The following RAD51B variants were observed in gnomAD, a reference collection of about 807,000 sequenced individuals.
The protein encoded by RAD51B is RAD51 paralog B.
A neutral mutation model predicts 42.2 loss-of-function variants in RAD51B; 38 were observed. That is an observed-to-expected ratio of 0.90 (90% CI 0.70 to 1.18). The LOEUF (loss-of-function observed/expected upper bound fraction) is 1.18, where lower values mean the gene tolerates loss of function less well. RAD51B is among the 50% of genes most tolerant of loss of function. RAD51B has a pLI of 0.00. For synonymous variants in RAD51B, 154 were observed against 145.2 expected (o/e 1.06, Z -0.43); for missense variants, 373 against 400.7 (o/e 0.93, Z 0.59).
At chr14:68,294,852 C>T (rs753441955) in intron 8 of RAD51B, among the ~76,000 whole-genome samples, 35 of 152,306 alleles carry the variant, frequency 2.3e-4, no homozygotes, top group Non-Finnish European at 4.0e-4. Context: ...TTCTCTTTGT[C>T]ACTCTGGGGA....
intron 7 of RAD51B, among the ~76,000 whole-genome samples, chr14:68,094,358 C>T (rs937090532): frequency 6.6e-6 from 1 of 152,184 alleles, no homozygotes; most frequent in African/African-American, 2.4e-5. Flanking sequence ...GTAGCACATT[C>T]ACACTCTCAA....
At chr14:67,949,283 C>G (rs1246091070) in intron 7 of RAD51B, among the ~76,000 whole-genome samples, 1 of 152,202 alleles carries the variant, frequency 6.6e-6, no homozygotes, top group Admixed American at 6.5e-5. Context: ...CTCTGAAACC[C>G]TGCCACTGCT....
chr14:68,304,683 C>T (rs1476548835), intron 8 of RAD51B, among the ~76,000 whole-genome samples: 1 of 152,220 alleles, frequency 6.6e-6, no homozygotes, highest in East Asian at 1.9e-4. Flanking sequence ...AGCTTTGCCA[C>T]AAACCATCTG....
chr14:68,594,516 A>G (rs749621239), exon 11 of RAD51B: 264 of 1,362,070 alleles, frequency 1.9e-4, no homozygotes, highest in Non-Finnish European at 2.5e-4. Context: ...CCCAAGCTGA[A>G]CTGAACTGGG....
chr14:68,192,236 C>A (rs897644004), intron 7 of RAD51B, among the ~76,000 whole-genome samples: 1 of 152,130 alleles, frequency 6.6e-6, no homozygotes, highest in Non-Finnish European at 1.5e-5. Flanking sequence ...TCATAAGTTG[C>A]AGCTGTTGTG....
At chr14:68,655,818 G>A (rs1317549539) in intron 11 of RAD51B, among the ~76,000 whole-genome samples, 5 of 152,346 alleles carry the variant, frequency 3.3e-5, no homozygotes, top group East Asian at 3.9e-4. Context: ...CTTACAGATC[G>A]GCGGGGTCTT....
chr14:68,647,467 T>G (rs932554784), intron 10 of RAD51B, among the ~76,000 whole-genome samples: 2 of 152,220 alleles, frequency 1.3e-5, no homozygotes, highest in African/African-American at 4.8e-5. Flanking sequence ...AGGTTTTTTT[T>G]AAGTCAGGAA....
chr14:67,963,385 G>A (rs1308254877), intron 7 of RAD51B, among the ~76,000 whole-genome samples: 1 of 151,950 alleles, frequency 6.6e-6, no homozygotes, highest in Non-Finnish European at 1.5e-5. Flanking sequence ...GTGAGATTTT[G>A]GATGATTTAA....
intron 8 of RAD51B, among the ~76,000 whole-genome samples, chr14:68,380,291 A>G (rs2083454917): frequency 6.6e-6 from 1 of 152,238 alleles, no homozygotes; most frequent in South Asian, 2.1e-4. Context: ...TAAGAATGTT[A>G]GATGGGACCA....
intron 10 of RAD51B, chr14:68,610,908 C>T (rs374239509): frequency 2.4e-5 from 15 of 631,658 alleles, no homozygotes; most frequent in African/African-American, 2.4e-4. Flanking sequence ...TTGTGTAACC[C>T]TGCAGGCCAT....
At chr14:68,538,721 T>C (rs1887787000) in intron 10 of RAD51B, among the ~76,000 whole-genome samples, 1 of 152,144 alleles carries the variant, frequency 6.6e-6, no homozygotes. Context: ...CTGATTTCTC[T>C]TTTTTAAAAT....
chr14:68,081,864 A>G (rs1486666819), intron 7 of RAD51B, among the ~76,000 whole-genome samples: 1 of 152,336 alleles, frequency 6.6e-6, no homozygotes, highest in Admixed American at 6.5e-5. Context: ...TTTGACCTAC[A>G]TATTGACAGA....
intron 8 of RAD51B, among the ~76,000 whole-genome samples, chr14:68,354,937 G>C (rs749346128): frequency 1.3e-5 from 2 of 152,046 alleles, no homozygotes; most frequent in African/African-American, 4.8e-5. Flanking sequence ...ATTGTGACTC[G>C]ATTTCCCTTT....
At chr14:68,274,369 T>A (rs957289615) in intron 7 of RAD51B, among the ~76,000 whole-genome samples, 5 of 152,204 alleles carry the variant, frequency 3.3e-5, no homozygotes, top group Non-Finnish European at 7.3e-5. Context: ...AAAATTTATC[T>A]CTGGAACACA....
chr14:67,925,648 C>A (rs555412385), intron 7 of RAD51B, among the ~76,000 whole-genome samples: 9 of 152,154 alleles, frequency 5.9e-5, no homozygotes, highest in South Asian at 4.1e-4. Flanking sequence ...CCAGTAGGGA[C>A]TCTGTATGGG....
rs1282794656 is a variant in RAD51B, at chr14:67,988,481, T to G, written c.756+101277T>G. Among the ~76,000 whole-genome samples, 7 of 151,894 alleles carry G rather than the reference T, an allele frequency of 4.6e-5. No homozygotes were observed. In the South Asian group the frequency reaches 1.0e-3, roughly 23 times the overall value. ...CTCAAAAAATAAAGAAATAAAGAAA[T>G]AAATAAATAATAATAAAAAAGAAAT... On this transcript the variant is annotated intron_variant, in intron 7 of 10. Coordinates refer to ENST00000471583, the MANE Select transcript of RAD51B (RefSeq NM_133510.4).
chr14:68,436,143 A>G (rs1312698402), intron 9 of RAD51B, among the ~76,000 whole-genome samples: 1 of 152,132 alleles, frequency 6.6e-6, no homozygotes, highest in Non-Finnish European at 1.5e-5. Context: ...TAGGATTCTT[A>G]TAGTTTGAGG....
At chr14:67,951,471 C>A (rs375410997) in intron 7 of RAD51B, among the ~76,000 whole-genome samples, 2 of 151,978 alleles carry the variant, frequency 1.3e-5, no homozygotes, top group Non-Finnish European at 2.9e-5. Flanking sequence ...AATGTAGTAC[C>A]CATTTTTTCC....
At chr14:67,993,491 AG>A (rs1229811756) in intron 7 of RAD51B, among the ~76,000 whole-genome samples, 2 of 152,218 alleles carry the variant, frequency 1.3e-5, no homozygotes, top group Non-Finnish European at 2.9e-5. Context: ...AATGACCACC[AG>A]TTCCATTTAT....
Sources: allele counts gnomAD v4.1 joint callset (sites outside exome capture counted in the v4.1 genomes callset), GRCh38; gene constraint gnomAD v4.1.1; transcripts MANE v1.5; gene names NCBI Gene and HGNC (gene_info 2026-07-23, HGNC 2026-07-21).